The following RAPGEF5 variants were observed in gnomAD, a reference collection of about 807,000 sequenced individuals.
RAPGEF5 encodes Rap guanine nucleotide exchange factor 5.
Under a neutral mutation model 125.2 loss-of-function variants are expected in RAPGEF5, and 65 were observed. The ratio of observed to expected loss-of-function variants is 0.52; its 90% CI spans 0.43 to 0.64. RAPGEF5 has a LOEUF of 0.64. RAPGEF5 is among the 30% of genes least tolerant of loss of function. The pLI, the probability that RAPGEF5 is intolerant of heterozygous loss-of-function variation, is 0.00. For missense variants in RAPGEF5, 958 were observed against 1,048.1 expected, an observed-to-expected ratio of 0.91 and a Z score of 1.19; for synonymous variants, 391 against 385.9, an observed-to-expected ratio of 1.01 and a Z score of -0.16.
At chr7:22,261,826 G>A (rs573880726) in intron 7 of RAPGEF5, among the ~76,000 whole-genome samples, 1 of 141,556 alleles carries the variant, frequency 7.1e-6, no homozygotes, top group East Asian at 2.1e-4. Flanking sequence ...AACAAATGGT[G>A]CTGAGGTGAC....
chr7:22,194,162 T>A (rs188220305), intron 9 of RAPGEF5, 129 bp from the exon 10 acceptor site: 5 of 805,244 alleles, frequency 6.2e-6, no homozygotes, highest in Admixed American at 2.7e-5. Flanking sequence ...TCTTCAAAGA[T>A]TGAGAATAAA....
intron 9 of RAPGEF5, among the ~76,000 whole-genome samples, chr7:22,208,001 GC>G (rs1338556109): frequency 6.6e-6 from 1 of 152,190 alleles, no homozygotes; most frequent in Non-Finnish European, 1.5e-5. Flanking sequence ...CCATCTGGAA[GC>G]CTTTCCTGGC....
rs1783634617 is a variant in RAPGEF5, at chr7:22,317,878, A to C, written c.282+109T>G. On this transcript the variant is annotated intron_variant, in intron 2 of 25. Transcript: ENST00000665637. Reference sequence around the variant, plus strand: ...ATGTGATCACTGCAGCATCCCTGCAAAACTCTATGTGGTCAGGAGCAAAGG... The same window carrying C: ...ATGTGATCACTGCAGCATCCCTGCACAACTCTATGTGGTCAGGAGCAAAGG... The C allele has an allele frequency of 3.5e-6, 5 of 1,449,072 alleles. No homozygotes were observed. The Admixed American group carries it at 1.2e-4, about 36-fold the overall frequency. The allele number at this position is 1,449,072 out of a possible 1,614,324, so 89.8% of individuals were successfully genotyped here. A position where few individuals can be genotyped will look rare whatever the true frequency, so the allele number is the denominator to read the frequency against.
Position 22,356,964 on chromosome 7 carries a change from G to A in RAPGEF5, c.97C>T (p.Arg33Cys), listed in dbSNP as rs1784433739. ...AAVVAADGPL[R>C]RSPSAREPER... ...GGCTCCCGGGCGCTGGGGCTGCGGC[G>A]CAGGGGGCCGTCTGCCGCCACCACC... Residue 33 changes from arginine to cysteine, a missense_variant, in exon 1 of 26, where the codon CGC becomes TGC. Coordinates refer to ENST00000665637, the MANE Select transcript of RAPGEF5 (RefSeq NM_012294.5). 9.7e-7 allele frequency: 1 copy of A among 1,034,676 alleles called. No homozygotes were observed. Among genetic ancestry groups the A allele is most frequent in the African/African-American group, 1.7e-5 (1 of 57,994 alleles). The allele number at this position is 1,034,676 out of a possible 1,614,324, so 64.1% of individuals were successfully genotyped here. A position where few individuals can be genotyped will look rare whatever the true frequency, so the allele number is the denominator to read the frequency against.
chr7:22,138,550 A>G (rs1466215111), intron 21 of RAPGEF5, among the ~76,000 whole-genome samples: 1 of 151,714 alleles, frequency 6.6e-6, no homozygotes, highest in Non-Finnish European at 1.5e-5. Flanking sequence ...CCATCCCCAC[A>G]CTCCAGTAAC....
At chr7:22,210,059 A>G (rs767273502) in intron 9 of RAPGEF5, among the ~76,000 whole-genome samples, 4 of 152,168 alleles carry the variant, frequency 2.6e-5, no homozygotes, top group Non-Finnish European at 2.9e-5. Context: ...AGCAGGTGCC[A>G]GTTTTAGAAA....
intron 5 of RAPGEF5, among the ~76,000 whole-genome samples, chr7:22,305,760 T>C (rs1583565578): frequency 6.6e-6 from 1 of 152,250 alleles, no homozygotes; most frequent in Middle Eastern, 3.4e-3. Context: ...GTTCATGAGT[T>C]CAGTTGCTTT....
rs1022377615 is a variant in RAPGEF5, at chr7:22,258,112, C to T, written c.796+8852G>A. 2.6e-5 allele frequency among the ~76,000 whole-genome samples: 4 copies of T among 151,980 alleles called. No homozygotes were observed. In the East Asian group the frequency reaches 7.7e-4, roughly 29 times the overall value. On this transcript the variant is annotated intron_variant, in intron 7 of 25. Coordinates refer to ENST00000665637, the MANE Select transcript of RAPGEF5 (RefSeq NM_012294.5). ...TCAACAATTTTAAGGGACACAAAATCGAAAATTCTCATACAACAAAAAAAG... is the reference window on the plus strand; with the variant it reads ...TCAACAATTTTAAGGGACACAAAATTGAAAATTCTCATACAACAAAAAAAG...
intron 1 of RAPGEF5, among the ~76,000 whole-genome samples, chr7:22,352,706 T>A (rs1784352017): frequency 6.6e-6 from 1 of 152,228 alleles, no homozygotes; most frequent in Non-Finnish European, 1.5e-5. Context: ...AAGCACCAAA[T>A]CATTACTCTG....
At chr7:22,160,225 T>C (rs1783943188) in intron 14 of RAPGEF5, among the ~76,000 whole-genome samples, 1 of 152,208 alleles carries the variant, frequency 6.6e-6, no homozygotes, top group Admixed American at 6.5e-5. Context: ...AACAGACTTT[T>C]AAAATTAAGT....
chr7:22,267,951 CAGA>C (rs1271235033), intron 6 of RAPGEF5, among the ~76,000 whole-genome samples: 1 of 151,778 alleles, frequency 6.6e-6, no homozygotes, highest in Non-Finnish European at 1.5e-5. Context: ...GGTTAAATTG[CAGA>C]TTTGCTATTC....
At chr7:22,193,152 T>C (rs1785047314) in intron 11 of RAPGEF5, 3 of 591,026 alleles carry the variant, frequency 5.1e-6, no homozygotes, top group Non-Finnish European at 8.8e-6. Context: ...ATCATTTTCT[T>C]TGTACAGCTA....
intron 1 of RAPGEF5, among the ~76,000 whole-genome samples, chr7:22,339,066 G>A (rs552399263): frequency 6.6e-6 from 1 of 152,326 alleles, no homozygotes; most frequent in African/African-American, 2.4e-5. Flanking sequence ...AAACGATGGA[G>A]TTTAACTGGT....
intron 6 of RAPGEF5, among the ~76,000 whole-genome samples, chr7:22,283,221 G>A (rs867486355): frequency 2.3e-4 from 35 of 152,158 alleles, no homozygotes; most frequent in African/African-American, 7.7e-4. Context: ...AAACTGCAAA[G>A]CATAATCCAC....
intron 20 of RAPGEF5, 79 bp from the exon 21 acceptor site, chr7:22,140,194 G>T: frequency 7.6e-7 from 1 of 1,310,310 alleles, no homozygotes; most frequent in Non-Finnish European, 1.1e-6. Context: ...AAGCTGAAAA[G>T]ACCCTCCTAG....
In RAPGEF5 at chr7:22,203,780, T is replaced by C. The variant is rs116203770; in HGVS notation, c.997-9747A>G. On this transcript the variant is annotated intron_variant, in intron 9 of 25. Coordinates refer to ENST00000665637, the MANE Select transcript of RAPGEF5 (RefSeq NM_012294.5). ...CAGGGCTCCTCAGCAGTGCCTCAGT[T>C]CCCTGAAACCAAGCAGCCTGGGTCA... 5.1e-3 allele frequency among the ~76,000 whole-genome samples: 776 copies of C among 152,188 alleles called. 11 individuals are homozygous for C. Among genetic ancestry groups the C allele is most frequent in the African/African-American group, 0.018 (743 of 41,506 alleles).
chr7:22,290,326 C>T (rs531945295), intron 6 of RAPGEF5, among the ~76,000 whole-genome samples: 6 of 152,308 alleles, frequency 3.9e-5, no homozygotes, highest in South Asian at 4.1e-4. Context: ...AGTTTGGTGA[C>T]GTAGGATTGC....
chr7:22,159,824 A>G (rs1405886681), intron 14 of RAPGEF5, among the ~76,000 whole-genome samples: 1 of 9,408 alleles, frequency 1.1e-4, no homozygotes, highest in Non-Finnish European at 2.4e-4. Flanking sequence ...AAAATGCTCC[A>G]CAGGCCGGGT....
At chr7:22,301,398 A>G (rs183633901) in intron 5 of RAPGEF5, among the ~76,000 whole-genome samples, 12 of 152,060 alleles carry the variant, frequency 7.9e-5, no homozygotes, top group African/African-American at 2.4e-4. Context: ...GGTGGATCAC[A>G]AGGTCAGGAG....
Sources: allele counts gnomAD v4.1 joint callset (sites outside exome capture counted in the v4.1 genomes callset), GRCh38; gene constraint gnomAD v4.1.1; transcripts MANE v1.5; gene names NCBI Gene and HGNC (gene_info 2026-07-23, HGNC 2026-07-21).